The following PTPRB variants were observed in gnomAD, a reference collection of about 807,000 sequenced individuals.
The protein encoded by PTPRB is receptor-type tyrosine-protein phosphatase beta.
In PTPRB, 97 loss-of-function variants were observed where a neutral mutation model predicts 238.1. That is an observed-to-expected ratio of 0.41 (90% CI 0.35 to 0.48). The LOEUF (loss-of-function observed/expected upper bound fraction) is 0.48. Ranked by LOEUF, PTPRB falls within the 20% of genes least tolerant of loss-of-function variation. PTPRB has a pLI of 0.30. For missense variants in PTPRB, 2,292 were observed against 2,681.9 expected, an observed-to-expected ratio of 0.85 and a Z score of 3.21; for synonymous variants, 970 against 995.4, an observed-to-expected ratio of 0.97 and a Z score of 0.48.
chr12:70,562,712 G>T, intron 16 of PTPRB, 132 bp downstream of exon 16: 2 of 1,178,408 alleles, frequency 1.7e-6, no homozygotes, highest in Non-Finnish European at 2.4e-6. Context: ...GGGTCAAACA[G>T]CCTGAAAGTC....
At position 70,518,111 on chromosome 12, in the gene PTPRB, G is replaced by A. The variant is rs1417483980; in HGVS notation, c.*3378C>T. The A allele has an allele frequency of 6.6e-6, 1 of 152,114 alleles. No homozygotes were observed. Among genetic ancestry groups the A allele is most frequent in the Non-Finnish European group, 1.5e-5 (1 of 68,020 alleles). The allele number at this position is 152,114 out of a possible 1,614,324, so 9.4% of individuals were successfully genotyped here. A position where few individuals can be genotyped will look rare whatever the true frequency, so the allele number is the denominator to read the frequency against. On this transcript the variant is annotated 3_prime_UTR_variant, in exon 34 of 34. Coordinates refer to ENST00000334414, the MANE Select transcript of PTPRB (RefSeq NM_001109754.4). ...TCCCAAAGAAAACTGCCCCGAAAAT[G>A]TCTGTGTGCTGTGTGCCTTTTAGTA...
At chr12:70,525,019 G>A (rs953527449) in intron 32 of PTPRB, among the ~76,000 whole-genome samples, 1 of 151,856 alleles carries the variant, frequency 6.6e-6, no homozygotes, top group South Asian at 2.1e-4. Context: ...TTCTGTGAGA[G>A]CCTACAACTG....
Position 70,590,111 on chromosome 12 carries a change from C to G in PTPRB, c.1903G>C (p.Val635Leu), listed in dbSNP as rs1263777554. 7 of 1,613,962 alleles carry G rather than the reference C, an allele frequency of 4.3e-6. No individual in the cohort carries two copies. Among genetic ancestry groups the G allele is most frequent in the Non-Finnish European group, 5.9e-6 (7 of 1,179,880 alleles). Residue 635 changes from valine to leucine, a missense_variant, in exon 8 of 34, where the codon GTG (valine) becomes CTG (leucine). By Grantham distance (32) the Val-to-Leu change is conservative. Coordinates refer to ENST00000334414, the MANE Select transcript of PTPRB (RefSeq NM_001109754.4). Reference protein sequence around the residue: ...QYRILLFNDSVVLLNITVGKE... With the variant: ...QYRILLFNDSLVLLNITVGKE... ...CCCACAGTGATGTTGAGCAGCACCA[C>G]AGAATCATTGAAGAGTAGGATCCGA...
chr12:70,577,648 T>G (rs911111218), intron 10 of PTPRB, among the ~76,000 whole-genome samples: 25 of 152,206 alleles, frequency 1.6e-4, no homozygotes, highest in African/African-American at 5.8e-4. Context: ...ACATCACTTA[T>G]AATGGACAGG....
In PTPRB at chr12:70,592,741, G is replaced by C. The variant is rs185757962; in HGVS notation, c.1517-196C>G. Among the ~76,000 whole-genome samples the C allele has an allele frequency of 7.2e-4, 110 of 152,348 alleles. 2 individuals are homozygous for C. The highest frequency in any genetic ancestry group is 1.0e-3 in the South Asian group (5 of 4,828). On this transcript the variant is annotated intron_variant, in intron 6 of 33. Coordinates refer to ENST00000334414, the MANE Select transcript of PTPRB (RefSeq NM_001109754.4). Reference sequence around the variant, plus strand: ...AAAAAAGGTTTTAAAGAGGCAAAAAGTAATGTTGTAAAACCAAAGGTAGGC... The same window carrying C: ...AAAAAAGGTTTTAAAGAGGCAAAAACTAATGTTGTAAAACCAAAGGTAGGC...
At chr12:70,634,253 C>T (rs1264982487) in intron 2 of PTPRB, among the ~76,000 whole-genome samples, 1 of 152,054 alleles carries the variant, frequency 6.6e-6, no homozygotes, top group African/African-American at 2.4e-5. Context: ...TAATATAAGC[C>T]TCACAAATCA....
Position 70,560,560 on chromosome 12 carries a change from T to A in PTPRB, c.4432+111A>T. 2.8e-6 allele frequency: 4 copies of A among 1,405,920 alleles called. No individual in the cohort carries two copies. Among genetic ancestry groups the A allele is most frequent in the Non-Finnish European group, 3.9e-6 (4 of 1,036,462 alleles). 87.1% of individuals were successfully genotyped at this position (1,405,920 alleles called of 1,614,324 possible). A position where few individuals can be genotyped will look rare whatever the true frequency, so the allele number is the denominator to read the frequency against. ...TCCCTTCCCAAATTCAGGGGCTAGC[T>A]CAGGGTATATCATTATTGGCTTTAT... On this transcript the variant is annotated intron_variant, in intron 17 of 33. Transcript: ENST00000334414. The surrounding 1 kb of genome is among the most constrained non-coding windows in gnomAD (Gnocchi z 4.2).
In PTPRB at chr12:70,534,871, G is replaced by A; in HGVS notation, c.6166C>T (p.Leu2056=). ...AACTCCCGGATGGTCCACTCAGGCA[G>A]GACGGACTCTGAGAGCATCTGCAGG... ...LILQMLSESV[L]PEWTIREFKI... is the part of the protein sequence containing the mutation. Residue 2056 remains leucine, a synonymous_variant, in exon 30 of 34, where the codon CTG becomes TTG. Transcript: ENST00000334414. 6.2e-7 allele frequency: 1 copy of A among 1,613,986 alleles called. No individual in the cohort carries two copies. Among genetic ancestry groups the A allele is most frequent in the Non-Finnish European group, 8.5e-7 (1 of 1,179,882 alleles).
chr12:70,523,359 C>T (rs1051085538), intron 33 of PTPRB, among the ~76,000 whole-genome samples: 3 of 152,066 alleles, frequency 2.0e-5, no homozygotes, highest in Non-Finnish European at 2.9e-5. Context: ...ACTTTGCTGC[C>T]CAGGCTTGTC....
intron 31 of PTPRB, among the ~76,000 whole-genome samples, chr12:70,533,587 T>C (rs145859129): frequency 1.3e-3 from 195 of 152,306 alleles, no homozygotes; most frequent in African/African-American, 4.1e-3. Context: ...CAGGTGGCAA[T>C]TGCTGTGCTG....
Position 70,594,588 on chromosome 12 carries a change from A to T in PTPRB, c.1395T>A (p.Val465=). Residue 465 remains valine (V), a synonymous_variant, in exon 6 of 34, where the codon GTT becomes GTA. Coordinates refer to ENST00000334414, the MANE Select transcript of PTPRB (RefSeq NM_001109754.4). ...CATAGGAAGTAGCATGTTTGTCCAC[A>T]ACACCGCCATGAACTAGGATCCCTT... The part of the protein sequence containing the change: ...MDKGILVHGG[V]VDKHATSYAF... 1.9e-6 allele frequency: 3 copies of T among 1,613,984 alleles called. No individual in the cohort carries two copies. In the South Asian group the frequency reaches 3.3e-5, roughly 18 times the overall value.
intron 20 of PTPRB, among the ~76,000 whole-genome samples, chr12:70,554,032 A>C (rs1409287812): frequency 6.6e-6 from 1 of 152,218 alleles, no homozygotes; most frequent in Non-Finnish European, 1.5e-5. Flanking sequence ...TCTTCATTGC[A>C]GTCTAATTAA....
chr12:70,634,824 T>C (rs941021075), intron 2 of PTPRB, among the ~76,000 whole-genome samples: 1 of 152,242 alleles, frequency 6.6e-6, no homozygotes, highest in African/African-American at 2.4e-5. Context: ...TGATAACTTT[T>C]CCCATGCTTT....
At chr12:70,578,197 G>T (rs1880997756) in intron 10 of PTPRB, among the ~76,000 whole-genome samples, 1 of 152,096 alleles carries the variant, frequency 6.6e-6, no homozygotes, top group African/African-American at 2.4e-5. Context: ...TAAATATTCT[G>T]CCATCTTATC....
chr12:70,595,978 T>C (rs1354735982), intron 5 of PTPRB, 71 bp downstream of exon 5: 2 of 1,341,638 alleles, frequency 1.5e-6, no homozygotes, highest in Admixed American at 2.9e-5. Flanking sequence ...ATCTTACTCC[T>C]ATTCCTTGAA....
chr12:70,614,421 A>G (rs183510758), intron 3 of PTPRB, among the ~76,000 whole-genome samples: 1 of 152,244 alleles, frequency 6.6e-6, no homozygotes. Context: ...AGAATGTATT[A>G]CTTAAGTGAA....
chr12:70,631,822 T>G (rs527777362), intron 2 of PTPRB, among the ~76,000 whole-genome samples: 1 of 152,116 alleles, frequency 6.6e-6, no homozygotes, highest in Non-Finnish European at 1.5e-5. Context: ...AACAGACACA[T>G]GAAAAAATGC....
chr12:70,534,409 A>C, intron 31 of PTPRB, 79 bp downstream of exon 31: 1 of 1,489,686 alleles, frequency 6.7e-7, no homozygotes, highest in Non-Finnish European at 9.1e-7. Flanking sequence ...CAAATTCCCC[A>C]TGCTTATGTA....
At chr12:70,605,127 A>G (rs1001023645) in intron 4 of PTPRB, among the ~76,000 whole-genome samples, 3 of 152,232 alleles carry the variant, frequency 2.0e-5, no homozygotes, top group African/African-American at 7.2e-5. Context: ...TTATTTTTCT[A>G]GGCTGACTAA....
Sources: allele counts gnomAD v4.1 joint callset (sites outside exome capture counted in the v4.1 genomes callset), GRCh38; gene constraint gnomAD v4.1.1; non-coding constraint Gnocchi (gnomAD v3.1); transcripts MANE v1.5; gene names NCBI Gene and HGNC (gene_info 2026-07-23, HGNC 2026-07-21).